Variants in FUCA2 observed in about 807,000 individuals in gnomAD.
FUCA2 encodes alpha-L-fucosidase 2, also known as plasma alpha-L-fucosidase.
Under a neutral mutation model 52.6 loss-of-function variants are expected in FUCA2, and 41 were observed. That is an observed-to-expected ratio of 0.78 (90% confidence interval 0.61 to 1.01). The LOEUF is 1.01. Among genes scored for constraint, FUCA2 ranks in the 50% least tolerant of loss-of-function variants. The probability of loss-of-function intolerance (pLI) is 0.00; values close to 1 mark genes in which losing one functional copy is unlikely to be tolerated. For synonymous variants in FUCA2, 211 were observed against 217.3 expected, an observed-to-expected ratio of 0.97 and a Z score of 0.26; for missense variants, 507 against 569.5, an observed-to-expected ratio of 0.89 and a Z score of 1.12.
Position 143,504,243 on chromosome 6 carries a change from A to G in FUCA2, c.422T>C (p.Leu141Ser). ...LTSKHHEGFT[L>S]WGSEYSWNWN... ...GTTCCACGAATATTCTGACCCCCAC[A>G]AGGTAAAGCCTAGAAAATTATAGTG... The change falls in exon 3 of 7, where the codon TTG becomes TCG. Residue 141 changes from leucine (L) to serine (S), a missense_variant. Transcript: ENST00000002165. This position sits in a 1 kb window ranked among gnomAD's most constrained non-coding sequence, Gnocchi z 4.4. The G allele has an allele frequency of 6.2e-7, 1 of 1,610,338 alleles. No homozygotes were observed. Among genetic ancestry groups the G allele is most frequent in the Non-Finnish European group, 8.5e-7 (1 of 1,178,448 alleles).
Position 143,499,203 on chromosome 6 carries a change from TA to T in FUCA2, c.1155-1707del, listed in dbSNP as rs1780501454. On this transcript the variant is annotated intron_variant, in intron 5 of 6. Coordinates refer to ENST00000002165, the MANE Select transcript of FUCA2 (RefSeq NM_032020.5). This position sits in a 1 kb window ranked among gnomAD's most constrained non-coding sequence, Gnocchi z 6.0. ...TTCGGAAAGAGGTCTGCACTGGAAA[TA>T]GAAATGTGGAGATCATCAATATGGC... Among the ~76,000 whole-genome samples the T allele has an allele frequency of 6.6e-6, 1 of 152,082 alleles. No homozygotes were observed. Among genetic ancestry groups the T allele is most frequent in the Non-Finnish European group, 1.5e-5 (1 of 68,022 alleles).
rs1780520359 is a variant in FUCA2, at chr6:143,501,012, A to G, written c.1154+920T>C. 6.6e-6 allele frequency among the ~76,000 whole-genome samples: 1 copy of G among 152,230 alleles called. No homozygotes were observed. The highest frequency in any genetic ancestry group is 1.5e-5 in the Non-Finnish European group (1 of 68,040). ...ATGTTTATTTCTTGAAATAAACACA[A>G]TAGAATAATGGTTAATGATTGTGAA... On this transcript the variant is annotated intron_variant, in intron 5 of 6. Transcript: ENST00000002165. The surrounding 1 kb of genome is among the most constrained non-coding windows in gnomAD (Gnocchi z 6.1).
rs1780654767 is a variant in FUCA2, at chr6:143,509,398, AAGT to A, written c.225-1977_225-1975del. ...TGTTCTCTATTTTGTTTAGTATGAG[AAGT>A]ATCTTTATTATTCTAGGTCAAAATA... is the stretch of plus-strand genomic sequence containing the variant. On this transcript the variant is annotated intron_variant, in intron 1 of 6. Transcript: ENST00000002165. The surrounding 1 kb of genome is among the most constrained non-coding windows in gnomAD (Gnocchi z 5.4). Among the ~76,000 whole-genome samples, 1 of 152,252 alleles carries A rather than the reference AAGT, an allele frequency of 6.6e-6. No homozygotes were observed. Among genetic ancestry groups the A allele is most frequent in the Admixed American group, 6.5e-5 (1 of 15,284 alleles).
chr6:143,502,054 G>T lies in FUCA2; in HGVS notation c.1032C>A (p.Thr344=). 6.2e-7 allele frequency: 1 copy of T among 1,613,624 alleles called. No homozygotes were observed. The highest frequency in any genetic ancestry group is 1.3e-5 in the African/African-American group (1 of 74,912). The part of the protein sequence containing the change: ...LMNIGPTLDG[T]ISVVFEERLR... ...GTCGCTCCTCAAAAACTACAGAAAT[G>T]GTGCCATCTAGTGTGGGCCCAATAT... The change falls in exon 5 of 7, where the codon ACC becomes ACA. Residue 344 remains threonine (T), a synonymous_variant. Transcript: ENST00000002165. This position sits in a 1 kb window ranked among gnomAD's most constrained non-coding sequence, Gnocchi z 4.1.
In FUCA2 at chr6:143,501,808, G is replaced by A. The variant is rs1307155568; in HGVS notation, c.1154+124C>T. The stretch of plus-strand genomic sequence containing the variant: ...TTTATATTAGAGTAAGCAAAGTTTG[G>A]AAAGTGCTTTGTATATGTAGGAATT... On this transcript the variant is annotated intron_variant, in intron 5 of 6. Coordinates refer to ENST00000002165, the MANE Select transcript of FUCA2 (RefSeq NM_032020.5). This position sits in a 1 kb window ranked among gnomAD's most constrained non-coding sequence, Gnocchi z 6.1. 1 of 766,610 alleles carries A rather than the reference G, an allele frequency of 1.3e-6. No homozygotes were observed. The highest frequency in any genetic ancestry group is 2.9e-5 in the Admixed American group (1 of 34,134). 47.5% of individuals were successfully genotyped at this position (766,610 alleles called of 1,614,324 possible). A position where few individuals can be genotyped will look rare whatever the true frequency, so the allele number is the denominator to read the frequency against.
In FUCA2 at chr6:143,507,958, C is replaced by T. The variant is rs149058731; in HGVS notation, c.225-534G>A. Among the ~76,000 whole-genome samples, 44 of 152,250 alleles carry T rather than the reference C, an allele frequency of 2.9e-4. No homozygotes were observed. The highest frequency in any genetic ancestry group is 3.4e-3 in the Middle Eastern group (1 of 294). ...TGTTAGGATTACAGGCATGAGTCACCGTGTCCAGCCCCATTCTCTTTTAAT... is the reference window on the plus strand; with the variant it reads ...TGTTAGGATTACAGGCATGAGTCACTGTGTCCAGCCCCATTCTCTTTTAAT... On this transcript the variant is annotated intron_variant, in intron 1 of 6. Transcript: ENST00000002165. This position sits in a 1 kb window ranked among gnomAD's most constrained non-coding sequence, Gnocchi z 4.5.
chr6:143,511,421 C>T lies in FUCA2; in HGVS notation c.214G>A (p.Glu72Lys), dbSNP rs747863648. Residue 72 changes from glutamate to lysine, a missense_variant, in exon 1 of 7, where the codon GAG (glutamate) becomes AAG (lysine). Glu to Lys is a moderately conservative substitution (Grantham distance 56). Coordinates refer to ENST00000002165, the MANE Select transcript of FUCA2 (RefSeq NM_032020.5). The surrounding 1 kb of genome is among the most constrained non-coding windows in gnomAD (Gnocchi z 6.3). ...GVFSVPSFGS[E>K]WFWWYWQKEK... is the part of the protein sequence containing the mutation. Reference sequence around the variant, plus strand: ...AGGGAGCGCACTCACCAGAACCACTCGCTACCGAAGCTGGGCACGGAAAAC... The same window carrying T: ...AGGGAGCGCACTCACCAGAACCACTTGCTACCGAAGCTGGGCACGGAAAAC... 45 of 1,610,912 alleles carry T rather than the reference C, an allele frequency of 2.8e-5. No homozygotes were observed. The South Asian group carries it at 4.7e-4, about 17-fold the overall frequency.
In FUCA2 at chr6:143,509,710, C is replaced by T. The variant is rs1400519548; in HGVS notation, c.224+1701G>A. Among the ~76,000 whole-genome samples the T allele has an allele frequency of 1.3e-5, 2 of 152,122 alleles. No individual in the cohort carries two copies. The highest frequency in any genetic ancestry group is 1.3e-4 in the Admixed American group (2 of 15,278). On this transcript the variant is annotated intron_variant, in intron 1 of 6. Transcript: ENST00000002165. This position sits in a 1 kb window ranked among gnomAD's most constrained non-coding sequence, Gnocchi z 5.4. ...AAAACATGCAAATAAAGATTTGTAA[C>T]ATCTTTTTGAAGTAGCTATGTTTTG...
Position 143,503,903 on chromosome 6 carries a change from G to T in FUCA2, c.752+10C>A. On this transcript the variant is annotated intron_variant, in intron 3 of 6. Transcript: ENST00000002165. This position sits in a 1 kb window ranked among gnomAD's most constrained non-coding sequence, Gnocchi z 4.8. The stretch of plus-strand genomic sequence containing the variant: ...GGAGGGTAACTGCAGCAATCTCATA[G>T]CATACACACCTTTCATTATATAACC... 1 of 1,594,384 alleles carries T rather than the reference G, an allele frequency of 6.3e-7. No homozygotes were observed. Among genetic ancestry groups the T allele is most frequent in the Non-Finnish European group, 8.6e-7 (1 of 1,165,610 alleles).
rs1208035885 is a variant in FUCA2, at chr6:143,495,534, G to A, written c.*173C>T. 1.7e-6 allele frequency: 1 copy of A among 572,638 alleles called. No homozygotes were observed. Among genetic ancestry groups the A allele is most frequent in the African/African-American group, 1.9e-5 (1 of 53,824 alleles). 35.5% of individuals were successfully genotyped at this position (572,638 alleles called of 1,614,324 possible). On this transcript the variant is annotated 3_prime_UTR_variant, in exon 7 of 7. Coordinates refer to ENST00000002165, the MANE Select transcript of FUCA2 (RefSeq NM_032020.5). This position sits in a 1 kb window ranked among gnomAD's most constrained non-coding sequence, Gnocchi z 5.2. Reference sequence around the variant, plus strand: ...GCAAAGTGCACTGGAGAGTTAAAATGGTTACATGGGTAATTTAAGAAAAAA... The same window carrying A: ...GCAAAGTGCACTGGAGAGTTAAAATAGTTACATGGGTAATTTAAGAAAAAA...
chr6:143,504,388 G>T lies in FUCA2; in HGVS notation c.413-136C>A. 1 of 719,506 alleles carries T rather than the reference G, an allele frequency of 1.4e-6. No homozygotes were observed. The highest frequency in any genetic ancestry group is 2.3e-6 in the Non-Finnish European group (1 of 442,928). The allele number at this position is 719,506 out of a possible 1,614,324, so 44.6% of individuals were successfully genotyped here. On this transcript the variant is annotated intron_variant, in intron 2 of 6. Transcript: ENST00000002165. The surrounding 1 kb of genome is among the most constrained non-coding windows in gnomAD (Gnocchi z 4.4). ...TGCTCCTACAAATGACTGTTTTATGGCCATTTTTTCATAGCATATATTGTG... is the reference window on the plus strand; with the variant it reads ...TGCTCCTACAAATGACTGTTTTATGTCCATTTTTTCATAGCATATATTGTG...
At chr6:143,506,202 T>G (rs1023809748) in intron 2 of FUCA2, 6 of 150,252 alleles carry the variant, frequency 4.0e-5, no homozygotes, top group South Asian at 4.3e-4. Context: ...GTTTTTTTTT[T>G]TTTTTTTTTT....
rs1167419267 is a variant in FUCA2 at position 143,499,790 on chromosome 6, G to A, written c.1154+2142C>T. On this transcript the variant is annotated intron_variant, in intron 5 of 6. Coordinates refer to ENST00000002165, the MANE Select transcript of FUCA2 (RefSeq NM_032020.5). This position sits in a 1 kb window ranked among gnomAD's most constrained non-coding sequence, Gnocchi z 6.0. ...AGAAGAGCAATTCTGGAGTGTGGGG[G>A]TGGAAGCTCGACCAGAGGGGGTTCA... 6.6e-6 allele frequency among the ~76,000 whole-genome samples: 1 copy of A among 152,160 alleles called. No homozygotes were observed. Among genetic ancestry groups the A allele is most frequent in the Non-Finnish European group, 1.5e-5 (1 of 68,036 alleles).
Position 143,502,855 on chromosome 6 carries a change from C to T in FUCA2, c.753-290G>A, listed in dbSNP as rs899918931. ...GTTATGTAAAACATTAGCCTGGTAC[C>T]CAGCACATATAGCACTCATAAGAGT... On this transcript the variant is annotated intron_variant, in intron 3 of 6. Coordinates refer to ENST00000002165, the MANE Select transcript of FUCA2 (RefSeq NM_032020.5). This position sits in a 1 kb window ranked among gnomAD's most constrained non-coding sequence, Gnocchi z 4.1. 1 of 316,190 alleles carries T rather than the reference C, an allele frequency of 3.2e-6. No homozygotes were observed. Among genetic ancestry groups the T allele is most frequent in the Non-Finnish European group, 5.9e-6 (1 of 170,548 alleles). 19.6% of individuals were successfully genotyped at this position (316,190 alleles called of 1,614,324 possible).
rs936597068 is a variant in FUCA2 at position 143,511,719 on chromosome 6, G to C, written c.-85C>G. 3 of 1,291,022 alleles carry C rather than the reference G, an allele frequency of 2.3e-6. No homozygotes were observed. The highest frequency in any genetic ancestry group is 1.5e-5 in the African/African-American group (1 of 65,570). The allele number at this position is 1,291,022 out of a possible 1,614,324, so 80.0% of individuals were successfully genotyped here. The stretch of plus-strand genomic sequence containing the variant: ...TTCCGTCTCTGCCGCTGAGTATGCC[G>C]CGCCGCGGTCACCTGACCAAGTCGG... On this transcript the variant is annotated 5_prime_UTR_variant, in exon 1 of 7. Transcript: ENST00000002165. The surrounding 1 kb of genome is among the most constrained non-coding windows in gnomAD (Gnocchi z 6.3).
At position 143,501,365 on chromosome 6, in the gene FUCA2, C is replaced by T. The variant is rs1374135396; in HGVS notation, c.1154+567G>A. 6.6e-6 allele frequency among the ~76,000 whole-genome samples: 1 copy of T among 152,176 alleles called. No homozygotes were observed. The highest frequency in any genetic ancestry group is 1.5e-5 in the Non-Finnish European group (1 of 68,032). On this transcript the variant is annotated intron_variant, in intron 5 of 6. Transcript: ENST00000002165. This position sits in a 1 kb window ranked among gnomAD's most constrained non-coding sequence, Gnocchi z 6.1. ...TTTTTAGAACTTCACCAATACTCAT[C>T]TTATTTTATATATGTTAAGAAACCA...
chr6:143,510,369 T>G lies in FUCA2; in HGVS notation c.224+1042A>C, dbSNP rs1376950851. 6.6e-6 allele frequency among the ~76,000 whole-genome samples: 1 copy of G among 152,130 alleles called. No homozygotes were observed. Among genetic ancestry groups the G allele is most frequent in the Admixed American group, 6.5e-5 (1 of 15,274 alleles). On this transcript the variant is annotated intron_variant, in intron 1 of 6. Coordinates refer to ENST00000002165, the MANE Select transcript of FUCA2 (RefSeq NM_032020.5). The surrounding 1 kb of genome is among the most constrained non-coding windows in gnomAD (Gnocchi z 4.4). ...TCCGTTCTTTTACTTAAGAATATATTATGTGTCCCAAAGTCCTGGAATTAC... is the reference window on the plus strand; with the variant it reads ...TCCGTTCTTTTACTTAAGAATATATGATGTGTCCCAAAGTCCTGGAATTAC...
At position 143,497,107 on chromosome 6, in the gene FUCA2, G is replaced by C; in HGVS notation, c.1263+282C>G. On this transcript the variant is annotated intron_variant, in intron 6 of 6. Coordinates refer to ENST00000002165, the MANE Select transcript of FUCA2 (RefSeq NM_032020.5). This position sits in a 1 kb window ranked among gnomAD's most constrained non-coding sequence, Gnocchi z 5.3. ...CCTGAGTAACTAGGACTACAGGTGC[G>C]TGCCACCATGCTCAGCTAACTTTAA... 1 of 317,144 alleles carries C rather than the reference G, an allele frequency of 3.2e-6. No homozygotes were observed. Among genetic ancestry groups the C allele is most frequent in the Admixed American group, 4.4e-5 (1 of 22,564 alleles). 19.6% of individuals were successfully genotyped at this position (317,144 alleles called of 1,614,324 possible). A position where few individuals can be genotyped will look rare whatever the true frequency, so the allele number is the denominator to read the frequency against.
Position 143,507,349 on chromosome 6 carries a change from A to G in FUCA2, c.300T>C (p.Tyr100=), listed in dbSNP as rs1294126062. ...CTGTAAATAGTGGTCCAAAATCTTC[A>G]TATTTGAAACTAGGAGGGTAATTAT... ...MKDNYPPSFK[Y]EDFGPLFTAK... Residue 100 remains tyrosine, a synonymous_variant, in exon 2 of 7, where the codon TAT becomes TAC. Coordinates refer to ENST00000002165, the MANE Select transcript of FUCA2 (RefSeq NM_032020.5). This position sits in a 1 kb window ranked among gnomAD's most constrained non-coding sequence, Gnocchi z 4.5. 2.5e-6 allele frequency: 4 copies of G among 1,608,582 alleles called. No individual in the cohort carries two copies. The East Asian group carries it at 6.7e-5, about 27-fold the overall frequency.
Sources: allele counts gnomAD v4.1 joint callset (sites outside exome capture counted in the v4.1 genomes callset), GRCh38; gene constraint gnomAD v4.1.1; non-coding constraint Gnocchi (gnomAD v3.1); transcripts MANE v1.5; gene names NCBI Gene and HGNC (gene_info 2026-07-23, HGNC 2026-07-21).